Variants in IMPG1 observed in about 807,000 individuals in gnomAD.
IMPG1 encodes interphotoreceptor matrix proteoglycan of 150 kDa.
Under a neutral mutation model 92.0 loss-of-function variants are expected in IMPG1, and 85 were observed. That is an observed-to-expected ratio of 0.92 (90% CI 0.78 to 1.11). The LOEUF (loss-of-function observed/expected upper bound fraction) is 1.11. IMPG1 is among the 50% of genes least tolerant of loss of function. IMPG1 has a pLI of 0.00. For missense variants in IMPG1, 1,022 were observed against 956.0 expected, an observed-to-expected ratio of 1.07 and a Z score of -0.91; for synonymous variants, 367 against 334.1, an observed-to-expected ratio of 1.10 and a Z score of -1.08.
intron 4 of IMPG1, among the ~76,000 whole-genome samples, chr6:76,026,387 T>A (rs117170662): frequency 3.9e-5 from 6 of 152,198 alleles, no homozygotes; most frequent in Non-Finnish European, 7.3e-5. Context: ...TTTTCATCCT[T>A]GGACTTCTCA....
chr6:75,934,787 T>C, intron 14 of IMPG1: 1 of 319,792 alleles, frequency 3.1e-6, no homozygotes, highest in Admixed American at 3.5e-5. Flanking sequence ...TGCCCTCCGC[T>C]ACACCCCCCT....
chr6:76,018,897 A>G, intron 6 of IMPG1, 39 bp from the exon 7 acceptor site: 1 of 1,533,504 alleles, frequency 6.5e-7, no homozygotes, highest in East Asian at 2.3e-5. Flanking sequence ...CTGTTAACCT[A>G]AACCACAAAT....
chr6:76,039,875 A>G (rs1457150606), intron 2 of IMPG1, among the ~76,000 whole-genome samples: 1 of 152,220 alleles, frequency 6.6e-6, no homozygotes, highest in Admixed American at 6.5e-5. Context: ...AGCTCAGAAC[A>G]TTTCACTGCG....
rs140782861 is a variant in IMPG1 at position 76,066,313 on chromosome 6, C to T, written c.67+6109G>A. Among the ~76,000 whole-genome samples, 315 of 152,010 alleles carry T rather than the reference C, an allele frequency of 2.1e-3. 1 individual carries two copies. The highest frequency in any genetic ancestry group is 2.1e-3 in the Non-Finnish European group (144 of 67,916). Reference sequence around the variant, plus strand: ...TTAAAAAACAAGGTCCAATGATGTGCTGCTTATAAAAAACTTGGTAAAACA... The same window carrying T: ...TTAAAAAACAAGGTCCAATGATGTGTTGCTTATAAAAAACTTGGTAAAACA... On this transcript the variant is annotated intron_variant, in intron 1 of 16. Transcript: ENST00000369950.
At chr6:76,067,001 A>T (rs935775321) in intron 1 of IMPG1, among the ~76,000 whole-genome samples, 16 of 152,020 alleles carry the variant, frequency 1.1e-4, no homozygotes, top group Non-Finnish European at 1.5e-4. Flanking sequence ...GAAACTTACG[A>T]AAATAGAGAC....
intron 6 of IMPG1, among the ~76,000 whole-genome samples, chr6:76,020,015 G>T (rs776387110): frequency 7.2e-5 from 11 of 152,032 alleles, no homozygotes; most frequent in Non-Finnish European, 2.9e-5. Flanking sequence ...GTTGAGGGAA[G>T]AACATTTTTC....
At chr6:76,005,577 T>C in intron 9 of IMPG1, 43 bp from the exon 10 acceptor site, 1 of 1,595,484 alleles carries the variant, frequency 6.3e-7, no homozygotes, top group Non-Finnish European at 8.5e-7. Context: ...AAGCCATTGT[T>C]ACATGCCTTG....
intron 1 of IMPG1, among the ~76,000 whole-genome samples, chr6:76,047,937 C>T (rs576291333): frequency 2.6e-5 from 4 of 152,146 alleles, no homozygotes; most frequent in South Asian, 2.1e-4. Flanking sequence ...TAAATAAACA[C>T]CAAAAGACCA....
At chr6:76,057,851 C>T (rs1411987073) in intron 1 of IMPG1, among the ~76,000 whole-genome samples, 1 of 152,082 alleles carries the variant, frequency 6.6e-6, no homozygotes, top group Non-Finnish European at 1.5e-5. Context: ...AACATTGTGT[C>T]ATCTTTCCAA....
chr6:75,936,588 C>T (rs1035727743), intron 14 of IMPG1, among the ~76,000 whole-genome samples: 1 of 152,196 alleles, frequency 6.6e-6, no homozygotes, highest in Non-Finnish European at 1.5e-5. Context: ...TTTCAGTTCT[C>T]CACCACTCTC....
intron 12 of IMPG1, among the ~76,000 whole-genome samples, chr6:76,002,597 A>G (rs1042036595): frequency 2.0e-5 from 3 of 152,176 alleles, no homozygotes; most frequent in African/African-American, 7.2e-5. Context: ...CTCAGTTTCC[A>G]AGCCCAGAGG....
chr6:75,992,553 C>A (rs757519833), intron 12 of IMPG1, among the ~76,000 whole-genome samples: 1 of 152,084 alleles, frequency 6.6e-6, no homozygotes, highest in African/African-American at 2.4e-5. Context: ...TGTATCCATG[C>A]CCCCAAAGCT....
chr6:75,999,931 T>G (rs73466848), intron 12 of IMPG1, among the ~76,000 whole-genome samples: 10,080 of 152,274 alleles, frequency 0.066, 942 homozygotes, highest in African/African-American at 0.21. Context: ...GTAATGAACT[T>G]GGCTTTGGCA....
chr6:75,991,206 A>G (rs1168813194), intron 12 of IMPG1, among the ~76,000 whole-genome samples: 1 of 152,134 alleles, frequency 6.6e-6, no homozygotes, highest in Non-Finnish European at 1.5e-5. Context: ...TCCTGGTAAC[A>G]CAGTGAAACC....
intron 12 of IMPG1, among the ~76,000 whole-genome samples, chr6:75,988,778 C>T (rs776652178): frequency 1.3e-5 from 2 of 152,118 alleles, no homozygotes; most frequent in African/African-American, 2.4e-5. Context: ...TCTTTTAAAT[C>T]GCTTCTCCCA....
At chr6:75,932,258 C>T (rs1781679394) in intron 14 of IMPG1, among the ~76,000 whole-genome samples, 1 of 152,150 alleles carries the variant, frequency 6.6e-6, no homozygotes, top group Non-Finnish European at 1.5e-5. Context: ...CAAGGGGGAG[C>T]TATTGGACCA....
chr6:76,045,617 C>G (rs1006087475), intron 1 of IMPG1, among the ~76,000 whole-genome samples: 9 of 151,774 alleles, frequency 5.9e-5, no homozygotes, highest in African/African-American at 2.2e-4. Flanking sequence ...GGTGAGAGAT[C>G]AGGAACTTAG....
At chr6:75,953,284 A>T (rs1405493294) in intron 12 of IMPG1, among the ~76,000 whole-genome samples, 1 of 152,226 alleles carries the variant, frequency 6.6e-6, no homozygotes, top group East Asian at 1.9e-4. Context: ...TTTAAATTTT[A>T]TACTTTAAGT....
chr6:75,996,016 A>G (rs900285096), intron 12 of IMPG1, among the ~76,000 whole-genome samples: 1 of 152,254 alleles, frequency 6.6e-6, no homozygotes, highest in Non-Finnish European at 1.5e-5. Context: ...ACAGCATCCC[A>G]GAGAGCCACT....
Sources: gnomAD v4.1 joint callset for allele counts (sites outside exome capture counted in the v4.1 genomes callset) on GRCh38, gnomAD v4.1.1 for gene constraint, MANE v1.5 for transcripts, NCBI Gene and HGNC (gene_info 2026-07-23, HGNC 2026-07-21) for gene names.